Variants in EFCAB11 observed in about 807,000 individuals in gnomAD.
EFCAB11 encodes EF-hand calcium-binding domain-containing protein 11.
In EFCAB11, 14 loss-of-function variants were observed where a neutral mutation model predicts 23.0. That is an observed-to-expected ratio of 0.61 (90% CI 0.40 to 0.95). EFCAB11 has a LOEUF of 0.95. EFCAB11 is among the 40% of genes least tolerant of loss of function. EFCAB11 has a pLI of 0.00. For synonymous variants in EFCAB11, 65 were observed against 66.6 expected (o/e 0.98, Z 0.11); for missense variants, 198 against 195.8 (o/e 1.01, Z -0.07).
chr14:89,834,862 G>A (rs571114739), intron 5 of EFCAB11, among the ~76,000 whole-genome samples: 1 of 152,294 alleles, frequency 6.6e-6, no homozygotes, highest in South Asian at 2.1e-4. Flanking sequence ...AAGTAGAAAA[G>A]GGCAGAATCC....
At chr14:89,826,391 C>T (rs1886692349) in intron 5 of EFCAB11, among the ~76,000 whole-genome samples, 2 of 150,434 alleles carry the variant, frequency 1.3e-5, no homozygotes, top group African/African-American at 2.4e-5. Flanking sequence ...ACTCCCAGGC[C>T]AGAGAGAGCT....
chr14:89,826,710 T>C lies in EFCAB11; in HGVS notation c.411-29386A>G, dbSNP rs991365234. 3.3e-5 allele frequency among the ~76,000 whole-genome samples: 5 copies of C among 152,288 alleles called. No homozygotes were observed. The South Asian group carries it at 1.0e-3, about 32-fold the overall frequency. ...TTTAAAGACTTGAGCTTGTCATTTT[T>C]TTTTTCCATAAGAATGCCACTAAAG... On this transcript the variant is annotated intron_variant, in intron 5 of 5. Coordinates refer to ENST00000316738, the MANE Select transcript of EFCAB11 (RefSeq NM_145231.4).
At chr14:89,924,148 T>C (rs574565500) in intron 5 of EFCAB11, 1 of 985,984 alleles carries the variant, frequency 1.0e-6, no homozygotes, top group East Asian at 1.1e-4. Flanking sequence ...TTTGAAAATA[T>C]CTTATTCAAC....
chr14:89,909,528 C>A (rs1889601362), intron 5 of EFCAB11, among the ~76,000 whole-genome samples: 1 of 152,132 alleles, frequency 6.6e-6, no homozygotes, highest in African/African-American at 2.4e-5. Context: ...TTGCAGTGAG[C>A]TGAGATCGCG....
At position 89,918,921 on chromosome 14, in the gene EFCAB11, G is replaced by GTAT. The variant is rs139710557; in HGVS notation, c.410+12617_410+12619dup. Among the ~76,000 whole-genome samples, 747 of 151,030 alleles carry GTAT rather than the reference G, an allele frequency of 4.9e-3. 5 individuals carry two copies. The highest frequency in any genetic ancestry group is 0.018 in the African/African-American group (722 of 41,056). ...ACATTTCTCCTGGATAGCAATAGGGGTATTGTCTGACCTGAGTGACAGGCA... is the reference window on the plus strand; with the variant it reads ...ACATTTCTCCTGGATAGCAATAGGGGTATTATTGTCTGACCTGAGTGACAGGCA... On this transcript the variant is annotated intron_variant, in intron 5 of 5. Transcript: ENST00000316738.
At chr14:89,951,864 G>T (rs1891180654) in intron 2 of EFCAB11, among the ~76,000 whole-genome samples, 1 of 152,152 alleles carries the variant, frequency 6.6e-6, no homozygotes, top group East Asian at 1.9e-4. Context: ...AGTGGAGGTT[G>T]CAGTGAGCCT....
At chr14:89,824,116 T>C (rs564867800) in intron 5 of EFCAB11, among the ~76,000 whole-genome samples, 36 of 151,980 alleles carry the variant, frequency 2.4e-4, no homozygotes, top group African/African-American at 8.4e-4. Context: ...AAGAACACTA[T>C]AAAAAACAAC....
chr14:89,905,031 A>G (rs1889453799), intron 5 of EFCAB11, among the ~76,000 whole-genome samples: 1 of 152,102 alleles, frequency 6.6e-6, no homozygotes, highest in Non-Finnish European at 1.5e-5. Flanking sequence ...TGGGGAGTGA[A>G]GAAATAAATT....
At chr14:89,822,435 A>T (rs1406090676) in intron 5 of EFCAB11, among the ~76,000 whole-genome samples, 3 of 152,220 alleles carry the variant, frequency 2.0e-5, no homozygotes, top group East Asian at 3.8e-4. Flanking sequence ...CTGTTTTAAA[A>T]TTCTCTTCAG....
intron 5 of EFCAB11, among the ~76,000 whole-genome samples, chr14:89,902,934 T>A (rs998221854): frequency 6.6e-6 from 1 of 152,202 alleles, no homozygotes; most frequent in Admixed American, 6.5e-5. Flanking sequence ...TCTTGTAGTA[T>A]AAGAGATAGC....
At chr14:89,846,654 A>G (rs926130814) in intron 5 of EFCAB11, among the ~76,000 whole-genome samples, 3 of 152,132 alleles carry the variant, frequency 2.0e-5, no homozygotes, top group African/African-American at 7.2e-5. Context: ...TCAGTTCTTC[A>G]TTTACTCCCA....
chr14:89,906,784 A>C (rs1889514023), intron 5 of EFCAB11, among the ~76,000 whole-genome samples: 1 of 152,210 alleles, frequency 6.6e-6, no homozygotes, highest in South Asian at 2.1e-4. Flanking sequence ...GGAAAATCCC[A>C]AGTCAGTTTG....
chr14:89,874,623 C>A (rs919619905), intron 5 of EFCAB11, among the ~76,000 whole-genome samples: 1 of 152,128 alleles, frequency 6.6e-6, no homozygotes, highest in Non-Finnish European at 1.5e-5. Context: ...GTCAGCTGGG[C>A]GTGGTGGCTC....
At chr14:89,841,430 A>C in intron 5 of EFCAB11, among the ~76,000 whole-genome samples, 1 of 144,206 alleles carries the variant, frequency 6.9e-6, no homozygotes, top group African/African-American at 2.6e-5. Context: ...CTCCCCCTCA[A>C]CTACTCTCTT....
intron 5 of EFCAB11, among the ~76,000 whole-genome samples, chr14:89,888,699 C>T (rs1191509844): frequency 6.6e-6 from 1 of 152,146 alleles, no homozygotes; most frequent in African/African-American, 2.4e-5. Flanking sequence ...ATCAAGGACA[C>T]ATTTAGAAGG....
At chr14:89,878,703 T>A (rs1055322058) in intron 5 of EFCAB11, among the ~76,000 whole-genome samples, 2 of 152,144 alleles carry the variant, frequency 1.3e-5, no homozygotes, top group African/African-American at 2.4e-5. Flanking sequence ...ATTTTAATGA[T>A]TATTATAATT....
intron 5 of EFCAB11, among the ~76,000 whole-genome samples, chr14:89,813,194 G>A (rs1032040774): frequency 3.9e-5 from 6 of 152,204 alleles, no homozygotes; most frequent in African/African-American, 1.4e-4. Flanking sequence ...AGAACAGGAC[G>A]AGAAGGGCAT....
intron 5 of EFCAB11, among the ~76,000 whole-genome samples, chr14:89,893,742 G>A (rs1355267962): frequency 1.4e-5 from 2 of 140,412 alleles, no homozygotes; most frequent in Admixed American, 7.3e-5. Context: ...TCCATTTCAA[G>A]AATATCCCCT....
chr14:89,888,247 C>CCCTT (rs1888854435), intron 5 of EFCAB11, among the ~76,000 whole-genome samples: 1 of 152,192 alleles, frequency 6.6e-6, no homozygotes, highest in African/African-American at 2.4e-5. Flanking sequence ...GGGATTGGTG[C>CCCTT]CCTTATAAGG....
Sources: gnomAD v4.1 joint callset for allele counts (sites outside exome capture counted in the v4.1 genomes callset) on GRCh38, gnomAD v4.1.1 for gene constraint, MANE v1.5 for transcripts, NCBI Gene and HGNC (gene_info 2026-07-23, HGNC 2026-07-21) for gene names.